The following TMED10 variants were observed in gnomAD, a reference collection of about 807,000 sequenced individuals.
TMED10 encodes the protein transmembrane emp24 domain-containing protein 10.
TMED10 carries 7 observed loss-of-function variants against 23.1 expected under a neutral mutation model. That is an observed-to-expected ratio of 0.30 (90% CI 0.17 to 0.57). The LOEUF (loss-of-function observed/expected upper bound fraction) is 0.57, where lower values mean the gene tolerates loss of function less well. Among genes scored for constraint, TMED10 ranks in the 20% least tolerant of loss-of-function variants. The pLI, the probability that TMED10 is intolerant of heterozygous loss-of-function variation, is 0.91. For missense variants in TMED10, 162 were observed against 274.8 expected (o/e 0.59, Z 2.90); for synonymous variants, 113 against 106.9 (o/e 1.06, Z -0.35).
intron 1 of TMED10, among the ~76,000 whole-genome samples, chr14:75,172,312 T>C (rs925780383): frequency 2.2e-5 from 3 of 134,222 alleles, no homozygotes; most frequent in African/African-American, 9.3e-5. Context: ...ATCATTGTTC[T>C]TTTTTTTTTT....
At chr14:75,159,479 A>G (rs1375314784) in intron 1 of TMED10, among the ~76,000 whole-genome samples, 1 of 152,222 alleles carries the variant, frequency 6.6e-6, no homozygotes, top group Non-Finnish European at 1.5e-5. Flanking sequence ...AGGACAAACA[A>G]CTGAATTTAA....
At chr14:75,166,417 A>C (rs555981330) in intron 1 of TMED10, among the ~76,000 whole-genome samples, 1 of 152,330 alleles carries the variant, frequency 6.6e-6, no homozygotes, top group Non-Finnish European at 1.5e-5. Context: ...AGCAATTCAC[A>C]CAAGAAACAG....
rs752309141 is a variant in TMED10, at chr14:75,147,661, T to A, written c.411+3A>T. ...CTCCTCTGGCTGTTAGAGCAGGACATACCTCTTCGTAATTTTTCGCCTCCA... is the reference window on the plus strand; with the variant it reads ...CTCCTCTGGCTGTTAGAGCAGGACAAACCTCTTCGTAATTTTTCGCCTCCA... On this transcript the variant is annotated splice_donor_region_variant and intron_variant, in intron 3 of 4. Transcript: ENST00000303575. 2.5e-6 allele frequency: 4 copies of A among 1,614,042 alleles called. No homozygotes were observed. Among genetic ancestry groups the A allele is most frequent in the Non-Finnish European group, 3.4e-6 (4 of 1,180,032 alleles).
chr14:75,161,699 C>T (rs1896087135), intron 1 of TMED10, among the ~76,000 whole-genome samples: 1 of 151,984 alleles, frequency 6.6e-6, no homozygotes, highest in South Asian at 2.1e-4. Flanking sequence ...TCTGCCCTGC[C>T]CCTAAGCACT....
intron 1 of TMED10, among the ~76,000 whole-genome samples, chr14:75,170,096 G>A (rs1045835285): frequency 2.6e-5 from 4 of 151,410 alleles, no homozygotes; most frequent in Non-Finnish European, 4.4e-5. Flanking sequence ...GCGTGGTGGC[G>A]GGCGCCTGTA....
intron 1 of TMED10, among the ~76,000 whole-genome samples, chr14:75,175,039 CAA>C (rs57423430): frequency 1.1e-5 from 1 of 87,082 alleles, no homozygotes; most frequent in East Asian, 2.9e-4. Context: ...GACTCCGTCT[CAA>C]AAAAAAAAAA....
intron 1 of TMED10, among the ~76,000 whole-genome samples, chr14:75,172,877 T>C (rs1896251789): frequency 6.6e-6 from 1 of 152,176 alleles, no homozygotes; most frequent in African/African-American, 2.4e-5. Context: ...CGAACCAATC[T>C]GAATTGGCTG....
chr14:75,141,491 CAG>C (rs1895822017), intron 3 of TMED10, among the ~76,000 whole-genome samples: 1 of 152,106 alleles, frequency 6.6e-6, no homozygotes, highest in African/African-American at 2.4e-5. Flanking sequence ...TATAATGAAT[CAG>C]AGCCATTCAT....
intron 3 of TMED10, chr14:75,136,737 C>G (rs1322972250): frequency 1.3e-5 from 2 of 152,138 alleles, no homozygotes; most frequent in Non-Finnish European, 2.9e-5. Flanking sequence ...TGTGAGAAAA[C>G]TGCACTGAAT....
intron 2 of TMED10, among the ~76,000 whole-genome samples, chr14:75,148,105 G>A (rs1169013005): frequency 6.6e-6 from 1 of 152,058 alleles, no homozygotes; most frequent in African/African-American, 2.4e-5. Flanking sequence ...GTGAAATTGA[G>A]TGGCATATAA....
chr14:75,168,811 A>G (rs1896195130), intron 1 of TMED10, among the ~76,000 whole-genome samples: 1 of 152,236 alleles, frequency 6.6e-6, no homozygotes, highest in Non-Finnish European at 1.5e-5. Context: ...AAAGATGAGT[A>G]AGACATTAAA....
At chr14:75,164,571 ATATATATTT>A (rs1439474658) in intron 1 of TMED10, among the ~76,000 whole-genome samples, 8 of 2,106 alleles carry the variant, frequency 3.8e-3, no homozygotes, top group African/African-American at 0.011. Flanking sequence ...ATATATATAT[ATATATATTT>A]TTTTTTTTTT....
intron 3 of TMED10, among the ~76,000 whole-genome samples, chr14:75,146,446 T>C (rs1895883837): frequency 6.6e-6 from 1 of 152,218 alleles, no homozygotes; most frequent in Admixed American, 6.5e-5. Context: ...TAGTTTGCAT[T>C]CTTCAAAAGC....
intron 1 of TMED10, among the ~76,000 whole-genome samples, chr14:75,154,401 C>CGAAAAAAAAAAAAAAA (rs1246155366): frequency 6.6e-5 from 1 of 15,252 alleles, no homozygotes; most frequent in African/African-American, 2.4e-4. Flanking sequence ...GACTCTGTCT[C>CGAAAAAAAAAAAAAAA]AAAAAAAAAA....
At chr14:75,154,430 A>AAAAAAAAAAAC (rs1895996502) in intron 1 of TMED10, among the ~76,000 whole-genome samples, 1 of 144,598 alleles carries the variant, frequency 6.9e-6, no homozygotes, top group Non-Finnish European at 1.5e-5. Context: ...AAAAAAAAAA[A>AAAAAAAAAAAC]GGCATGTATC....
chr14:75,172,518 C>T (rs1293699933), intron 1 of TMED10, among the ~76,000 whole-genome samples: 1 of 152,082 alleles, frequency 6.6e-6, no homozygotes, highest in Non-Finnish European at 1.5e-5. Flanking sequence ...CCGTGTTGGT[C>T]AGGCTGGTCT....
chr14:75,175,083 A>G (rs1896287004), intron 1 of TMED10, among the ~76,000 whole-genome samples: 1 of 151,444 alleles, frequency 6.6e-6, no homozygotes, highest in Admixed American at 6.6e-5. Context: ...GTTTCTATTT[A>G]GTATAACAAA....
intron 1 of TMED10, among the ~76,000 whole-genome samples, chr14:75,158,339 T>C (rs1896046113): frequency 6.6e-6 from 1 of 152,118 alleles, no homozygotes; most frequent in Non-Finnish European, 1.5e-5. Context: ...TTTATTTTTA[T>C]TTATTTTTGA....
intron 2 of TMED10, among the ~76,000 whole-genome samples, chr14:75,149,387 G>A (rs1895928346): frequency 6.6e-6 from 1 of 152,192 alleles, no homozygotes; most frequent in South Asian, 2.1e-4. Flanking sequence ...TTGTGACACA[G>A]CAAAAAGGCC....
Sources: allele counts gnomAD v4.1 joint callset (sites outside exome capture counted in the v4.1 genomes callset), GRCh38; gene constraint gnomAD v4.1.1; transcripts MANE v1.5; gene names NCBI Gene and HGNC (gene_info 2026-07-23, HGNC 2026-07-21).